Variants in CPSF3 observed in about 807,000 individuals in gnomAD.
The protein encoded by CPSF3 is cleavage and polyadenylation specific factor 3, also known as cleavage and polyadenylation specificity factor subunit 3.
Under a neutral mutation model 84.1 loss-of-function variants are expected in CPSF3, and 57 were observed. The observed-to-expected ratio is 0.68, with a 90% CI of 0.55 to 0.85. CPSF3 has a LOEUF of 0.85. CPSF3 is among the 40% of genes least tolerant of loss of function. The probability of loss-of-function intolerance (pLI) is 0.00; values close to 1 mark genes in which losing one functional copy is unlikely to be tolerated. For synonymous variants in CPSF3, 275 were observed against 278.1 expected, an observed-to-expected ratio of 0.99 and a Z score of 0.11; for missense variants, 522 against 838.8, an observed-to-expected ratio of 0.62 and a Z score of 4.66.
rs2124867890 is a variant in CPSF3, at chr2:9,466,156, CATGCTAAAACCCTGTCTCT to C, written c.1787-1549_1787-1531del. Among the ~76,000 whole-genome samples, 3 of 152,122 alleles carry C rather than the reference CATGCTAAAACCCTGTCTCT, an allele frequency of 2.0e-5. No homozygotes were observed. In the East Asian group the frequency reaches 5.8e-4, roughly 30 times the overall value. On this transcript the variant is annotated intron_variant, in intron 15 of 17. Coordinates refer to ENST00000238112, the MANE Select transcript of CPSF3 (RefSeq NM_016207.4). ...AGGAGTTTGAGACCAACTTGGGCAA[CATGCTAAAACCCTGTCTCT>C]ACACGCACACACACACGCGCTCACA...
chr2:9,433,989 A>C, intron 6 of CPSF3, 29 bp downstream of exon 6: 2 of 1,278,436 alleles, frequency 1.6e-6, no homozygotes, highest in Non-Finnish European at 2.2e-6. Flanking sequence ...TATTGTAATC[A>C]ATGTAATGTA....
intron 15 of CPSF3, among the ~76,000 whole-genome samples, chr2:9,460,678 T>TC (rs1681700754): frequency 6.6e-6 from 1 of 151,012 alleles, no homozygotes; most frequent in Non-Finnish European, 1.5e-5. Context: ...TTTCTTTCTT[T>TC]CTTTTTTTTT....
chr2:9,471,704 C>T (rs184671412), intron 17 of CPSF3, among the ~76,000 whole-genome samples: 1 of 152,002 alleles, frequency 6.6e-6, no homozygotes, highest in Admixed American at 6.6e-5. Flanking sequence ...CACCTCATCC[C>T]TTCTCTAGTT....
At chr2:9,463,877 C>T (rs142200748) in intron 15 of CPSF3, among the ~76,000 whole-genome samples, 76 of 152,326 alleles carry the variant, frequency 5.0e-4, no homozygotes, top group African/African-American at 1.8e-3. Context: ...GTCATTGCAA[C>T]AGCGACCCTG....
At chr2:9,444,888 A>G (rs950183677) in intron 10 of CPSF3, among the ~76,000 whole-genome samples, 7 of 149,694 alleles carry the variant, frequency 4.7e-5, no homozygotes, top group Non-Finnish European at 8.9e-5. Flanking sequence ...CTGTTCTCAA[A>G]CTCCTGACCT....
intron 14 of CPSF3, 120 bp downstream of exon 14, chr2:9,457,147 ATGTGTGTGTGTGTG>A (rs70948817): frequency 0.028 from 9,293 of 334,024 alleles, 764 homozygotes; most frequent in African/African-American, 0.19. Context: ...TGGAAAGTAT[ATGTGTGTGTGTGTG>A]TGTGTGTGTG....
At chr2:9,445,150 A>T (rs1481452791) in intron 10 of CPSF3, among the ~76,000 whole-genome samples, 1 of 152,200 alleles carries the variant, frequency 6.6e-6, no homozygotes, top group Non-Finnish European at 1.5e-5. Context: ...ACCGTTACAC[A>T]GTAACTCCCC....
chr2:9,455,783 T>TCAGTACA, intron 13 of CPSF3, 26 bp downstream of exon 13: 1 of 1,483,408 alleles, frequency 6.7e-7, no homozygotes, highest in Non-Finnish European at 9.3e-7. Context: ...GAAATTCATT[T>TCAGTACA]CATTGTTTTC....
intron 4 of CPSF3, among the ~76,000 whole-genome samples, chr2:9,431,958 C>T (rs1680603934): frequency 6.6e-6 from 1 of 152,144 alleles, no homozygotes; most frequent in Non-Finnish European, 1.5e-5. Context: ...GGTTATTTGC[C>T]TAAAATCGTC....
chr2:9,440,941 C>T (rs1293222473), intron 8 of CPSF3, among the ~76,000 whole-genome samples: 3 of 152,200 alleles, frequency 2.0e-5, no homozygotes, highest in Non-Finnish European at 4.4e-5. Context: ...CAACAGGTGT[C>T]GTTTTTCTGC....
chr2:9,453,310 C>T (rs1681400131), intron 12 of CPSF3, among the ~76,000 whole-genome samples: 1 of 152,144 alleles, frequency 6.6e-6, no homozygotes, highest in Admixed American at 6.5e-5. Flanking sequence ...CTTTTATTTT[C>T]TGAAGTGACT....
chr2:9,438,579 G>A (rs536559265), intron 7 of CPSF3, among the ~76,000 whole-genome samples: 2 of 148,658 alleles, frequency 1.3e-5, no homozygotes, highest in East Asian at 3.9e-4. Flanking sequence ...GGCTTGGCGC[G>A]ATCTCGGCTC....
chr2:9,465,971 A>G (rs1226491676), intron 15 of CPSF3, among the ~76,000 whole-genome samples: 1 of 152,232 alleles, frequency 6.6e-6, no homozygotes, highest in African/African-American at 2.4e-5. Context: ...ATTCATCCAT[A>G]TAAAGTGTAG....
Position 9,472,958 on chromosome 2 carries a change from C to T in CPSF3, c.1996C>T (p.Arg666Ter), listed in dbSNP as rs1028478251. 1.2e-5 allele frequency: 20 copies of T among 1,613,802 alleles called. No homozygotes were observed. The highest frequency in any genetic ancestry group is 1.5e-5 in the Non-Finnish European group (18 of 1,179,946). Reference sequence around the variant, plus strand: ...GGGAAGTGAAGACGATGAATCCCTCCGAGAAATGGTGGAGCTGGCTGCACA... The same window carrying T: ...GGGAAGTGAAGACGATGAATCCCTCTGAGAAATGGTGGAGCTGGCTGCACA... ...EEGSEDDESL[R>*]EMVELAAQRL... The change falls in exon 18 of 18, where the codon CGA becomes TGA. Residue 666 changes from arginine to a stop codon, truncating the protein, a stop_gained. Coordinates refer to ENST00000238112, the MANE Select transcript of CPSF3 (RefSeq NM_016207.4). LOFTEE classifies it high-confidence loss of function.
intron 12 of CPSF3, among the ~76,000 whole-genome samples, chr2:9,455,222 T>C (rs900985433): frequency 6.6e-6 from 1 of 151,704 alleles, no homozygotes; most frequent in Non-Finnish European, 1.5e-5. Context: ...CTTCTGCCTC[T>C]GCCTCCTGGG....
chr2:9,456,855 G>T (rs1681547015), intron 13 of CPSF3, 78 bp from the exon 14 acceptor site: 1 of 819,006 alleles, frequency 1.2e-6, no homozygotes, highest in Non-Finnish European at 1.9e-6. Flanking sequence ...TATTTTAGCT[G>T]TCTCTATAAA....
At chr2:9,434,680 T>G (rs926657338) in intron 6 of CPSF3, among the ~76,000 whole-genome samples, 2 of 152,228 alleles carry the variant, frequency 1.3e-5, no homozygotes, top group Non-Finnish European at 2.9e-5. Flanking sequence ...TGTTTATCTT[T>G]GTGTGTCATG....
intron 13 of CPSF3, among the ~76,000 whole-genome samples, chr2:9,456,470 G>C (rs763527722): frequency 1.3e-5 from 2 of 152,076 alleles, no homozygotes; most frequent in Non-Finnish European, 2.9e-5. Flanking sequence ...TAACATAGAA[G>C]GTTAATAAAA....
At chr2:9,460,758 C>T (rs1461276119) in intron 15 of CPSF3, among the ~76,000 whole-genome samples, 1 of 150,582 alleles carries the variant, frequency 6.6e-6, no homozygotes, top group Non-Finnish European at 1.5e-5. Flanking sequence ...ATGATCCTCT[C>T]ACGTCAGCCT....
Sources: gnomAD v4.1 joint callset for allele counts (sites outside exome capture counted in the v4.1 genomes callset) on GRCh38, gnomAD v4.1.1 for gene constraint, MANE v1.5 for transcripts, NCBI Gene and HGNC (gene_info 2026-07-23, HGNC 2026-07-21) for gene names.